COL4A2: variants seen among roughly 807,000 people sequenced by gnomAD.
COL4A2 encodes the protein collagen alpha-2(IV) chain.
A neutral mutation model predicts 200.2 loss-of-function variants in COL4A2; 99 were observed. The ratio of observed to expected loss-of-function variants is 0.49; its 90% CI spans 0.42 to 0.58. The LOEUF (loss-of-function observed/expected upper bound fraction) is 0.58, where lower values mean the gene tolerates loss of function less well. Among genes scored for constraint, COL4A2 ranks in the 20% least tolerant of loss-of-function variants. COL4A2 has a pLI of 0.00. For synonymous variants in COL4A2, 897 were observed against 900.6 expected, an observed-to-expected ratio of 1.00 and a Z score of 0.07; for missense variants, 1,950 against 2,314.1, an observed-to-expected ratio of 0.84 and a Z score of 3.23.
At chr13:110,347,214 C>G (rs914687103) in intron 3 of COL4A2, among the ~76,000 whole-genome samples, 5 of 152,200 alleles carry the variant, frequency 3.3e-5, no homozygotes, top group African/African-American at 1.2e-4. Context: ...ATCTCTAGCC[C>G]AGGACAAGGC....
intron 45 of COL4A2, 102 bp from the exon 46 acceptor site, chr13:110,506,313 C>T: frequency 7.7e-7 from 1 of 1,303,208 alleles, no homozygotes; most frequent in Non-Finnish European, 1.0e-6. Flanking sequence ...TCCACTCTCT[C>T]TCTCTCTCTC....
intron 3 of COL4A2, among the ~76,000 whole-genome samples, chr13:110,330,758 C>T (rs1875871692): frequency 6.6e-6 from 1 of 152,074 alleles, no homozygotes; most frequent in South Asian, 2.1e-4. Context: ...TGAAAGACCT[C>T]CTACTAGATA....
chr13:110,337,028 G>A (rs1876223016), intron 3 of COL4A2, among the ~76,000 whole-genome samples: 2 of 152,228 alleles, frequency 1.3e-5, no homozygotes, highest in Non-Finnish European at 1.5e-5. Flanking sequence ...TAGCAATGCA[G>A]TTTTCAAAGT....
At chr13:110,507,752 C>G (rs1594117749) in intron 46 of COL4A2, 183 bp from the exon 47 acceptor site, 1 of 570,922 alleles carries the variant, frequency 1.8e-6, no homozygotes, top group Non-Finnish European at 3.1e-6. Context: ...CCAGTGGAGT[C>G]TGATCAAAAA....
intron 20 of COL4A2, 127 bp from the exon 21 acceptor site, chr13:110,457,214 GGC>G (rs1881791305): frequency 4.9e-6 from 2 of 407,142 alleles, no homozygotes; most frequent in Non-Finnish European, 8.8e-6. Flanking sequence ...TGGGACCCCA[GGC>G]GTCCGTGGGG....
intron 3 of COL4A2, among the ~76,000 whole-genome samples, chr13:110,334,981 C>T (rs865847666): frequency 2.0e-5 from 3 of 152,112 alleles, no homozygotes; most frequent in Non-Finnish European, 2.9e-5. Flanking sequence ...GAGCTGGGGG[C>T]CCAGCTCCAG....
intron 4 of COL4A2, among the ~76,000 whole-genome samples, chr13:110,392,554 T>C (rs1309301376): frequency 6.6e-6 from 1 of 152,130 alleles, no homozygotes; most frequent in Admixed American, 6.5e-5. Context: ...AAAATGCCTG[T>C]GAATTGTTCA....
intron 39 of COL4A2, among the ~76,000 whole-genome samples, 182 bp downstream of exon 39, chr13:110,493,464 A>G (rs1024391077): frequency 6.6e-6 from 1 of 152,182 alleles, no homozygotes; most frequent in Non-Finnish European, 1.5e-5. Context: ...GTACGCTGCT[A>G]AGATGTGATC....
At chr13:110,313,092 A>T (rs777532097) in intron 3 of COL4A2, among the ~76,000 whole-genome samples, 2 of 152,174 alleles carry the variant, frequency 1.3e-5, no homozygotes, top group Non-Finnish European at 2.9e-5. Context: ...AGAAATCAAT[A>T]TGCCACATGG....
intron 11 of COL4A2, 66 bp from the exon 12 acceptor site, chr13:110,434,335 A>G: frequency 6.6e-7 from 1 of 1,506,264 alleles, no homozygotes; most frequent in Non-Finnish European, 9.1e-7. Context: ...TTTTCTAAGA[A>G]AAATAATTTT....
intron 3 of COL4A2, among the ~76,000 whole-genome samples, chr13:110,353,947 A>G (rs959312030): frequency 3.9e-5 from 6 of 152,214 alleles, no homozygotes; most frequent in Non-Finnish European, 8.8e-5. Flanking sequence ...ATCAGCCTAC[A>G]AGTCCTAGTT....
At chr13:110,470,536 C>T (rs1373249366) in intron 28 of COL4A2, among the ~76,000 whole-genome samples, 6 of 152,164 alleles carry the variant, frequency 3.9e-5, no homozygotes, top group East Asian at 1.9e-4. Flanking sequence ...GAACTGACCC[C>T]GGGAACACAT....
chr13:110,318,999 C>T (rs537169422), intron 3 of COL4A2, among the ~76,000 whole-genome samples: 88 of 152,138 alleles, frequency 5.8e-4, no homozygotes, highest in African/African-American at 2.0e-3. Context: ...CCCATTCTCA[C>T]GTATTTCTTG....
chr13:110,431,169 TG>T (rs1283618477), intron 10 of COL4A2, among the ~76,000 whole-genome samples: 1 of 152,216 alleles, frequency 6.6e-6, no homozygotes, highest in Non-Finnish European at 1.5e-5. Context: ...GATTGGCCAC[TG>T]CGAGAGCTCC....
At chr13:110,422,774 G>A (rs921422085) in intron 4 of COL4A2, among the ~76,000 whole-genome samples, 6 of 152,152 alleles carry the variant, frequency 3.9e-5, no homozygotes, top group African/African-American at 1.4e-4. Context: ...GTGATGCCTG[G>A]GGCCTAACAT....
intron 4 of COL4A2, among the ~76,000 whole-genome samples, chr13:110,362,676 G>T (rs1594170167): frequency 6.6e-6 from 1 of 152,252 alleles, no homozygotes; most frequent in South Asian, 2.1e-4. Context: ...GAGATGGAAG[G>T]CAGTTGAATG....
rs186561645 is a variant in COL4A2 at position 110,385,411 on chromosome 13, G to A, written c.180+27859G>A. Reference sequence around the variant, plus strand: ...TTATGATAGTTGGAGGTTACAGTGTGTGGATAGACTGTGGTTACAGTGCCT... The same window carrying A: ...TTATGATAGTTGGAGGTTACAGTGTATGGATAGACTGTGGTTACAGTGCCT... On this transcript the variant is annotated intron_variant, in intron 4 of 47. Coordinates refer to ENST00000360467, the MANE Select transcript of COL4A2 (RefSeq NM_001846.4). Among the ~76,000 whole-genome samples, 423 of 97,918 alleles carry A rather than the reference G, an allele frequency of 4.3e-3. 7 individuals are homozygous for A. Among genetic ancestry groups the A allele is most frequent in the Admixed American group, 0.038 (394 of 10,280 alleles). The allele number at this position is 97,918 out of a possible 152,430, so 64.2% of individuals were successfully genotyped here. A position where few individuals can be genotyped will look rare whatever the true frequency, so the allele number is the denominator to read the frequency against.
chr13:110,430,377 T>C (rs889587710), intron 8 of COL4A2, 24 bp from the exon 9 acceptor site: 2 of 1,606,364 alleles, frequency 1.2e-6, no homozygotes, highest in African/African-American at 2.7e-5. Flanking sequence ...GCTATCACTC[T>C]TAAAATTATT....
At chr13:110,426,163 T>G (rs75005415) in intron 6 of COL4A2, among the ~76,000 whole-genome samples, 5,721 of 152,314 alleles carry the variant, frequency 0.038, 361 homozygotes, top group African/African-American at 0.13. Context: ...GGCCTGAATC[T>G]AAATCACCCA....
Sources: allele counts gnomAD v4.1 joint callset (sites outside exome capture counted in the v4.1 genomes callset), GRCh38; gene constraint gnomAD v4.1.1; transcripts MANE v1.5; gene names NCBI Gene and HGNC (gene_info 2026-07-23, HGNC 2026-07-21).